PDGFC: variants seen among roughly 807,000 people sequenced by gnomAD.
PDGFC encodes the protein platelet derived growth factor C, also known as platelet-derived growth factor C.
A neutral mutation model predicts 35.5 loss-of-function variants in PDGFC; 12 were observed. The ratio of observed to expected loss-of-function variants is 0.34; its 90% CI spans 0.22 to 0.55. The LOEUF (loss-of-function observed/expected upper bound fraction) is 0.55. PDGFC is among the 20% of genes least tolerant of loss of function. The pLI is 0.91. For missense variants in PDGFC, 322 were observed against 412.4 expected (o/e 0.78, Z 1.90); for synonymous variants, 159 against 148.8 (o/e 1.07, Z -0.50).
chr4:156,792,233 A>C (rs540824613), intron 3 of PDGFC, among the ~76,000 whole-genome samples: 6 of 152,328 alleles, frequency 3.9e-5, no homozygotes, highest in Admixed American at 3.3e-4. Context: ...TATCTATATA[A>C]TATACAATTT....
chr4:156,785,114 T>C (rs1178142877), intron 3 of PDGFC, among the ~76,000 whole-genome samples: 1 of 152,238 alleles, frequency 6.6e-6, no homozygotes, highest in Non-Finnish European at 1.5e-5. Context: ...TGATTGCCAC[T>C]GTGATATAAA....
At chr4:156,765,985 A>T (rs1730515568) in intron 5 of PDGFC, among the ~76,000 whole-genome samples, 1 of 152,172 alleles carries the variant, frequency 6.6e-6, no homozygotes, top group South Asian at 2.1e-4. Flanking sequence ...GAATTTAGGC[A>T]CGAGGGCTAA....
intron 3 of PDGFC, among the ~76,000 whole-genome samples, chr4:156,808,360 T>C (rs112277587): frequency 2.0e-5 from 3 of 152,138 alleles, no homozygotes; most frequent in Non-Finnish European, 2.9e-5. Context: ...AAAGAAATCA[T>C]TGTGGCCAGT....
At chr4:156,938,766 T>A (rs186469556) in intron 1 of PDGFC, among the ~76,000 whole-genome samples, 1 of 151,916 alleles carries the variant, frequency 6.6e-6, no homozygotes, top group Admixed American at 6.6e-5. Flanking sequence ...CTAAAAGTTA[T>A]CTATGATCTG....
chr4:156,833,862 T>C (rs915086667), intron 2 of PDGFC, among the ~76,000 whole-genome samples: 3 of 152,214 alleles, frequency 2.0e-5, no homozygotes, highest in Admixed American at 6.5e-5. Context: ...AGATTAGAGT[T>C]GTGGATAACC....
intron 4 of PDGFC, among the ~76,000 whole-genome samples, chr4:156,769,143 T>C (rs186732217): frequency 1.9e-3 from 295 of 151,862 alleles, no homozygotes; most frequent in Admixed American, 4.2e-3. Flanking sequence ...ATCTAAAATA[T>C]AATAAACCTA....
At chr4:156,966,780 G>T (rs149710490) in intron 1 of PDGFC, among the ~76,000 whole-genome samples, 1 of 152,120 alleles carries the variant, frequency 6.6e-6, no homozygotes, top group Non-Finnish European at 1.5e-5. Flanking sequence ...TTTAACAAAC[G>T]ATATATTAGT....
intron 1 of PDGFC, among the ~76,000 whole-genome samples, chr4:156,860,899 T>A (rs545440341): frequency 6.6e-6 from 1 of 152,242 alleles, no homozygotes; most frequent in African/African-American, 2.4e-5. Context: ...GTATCAATTT[T>A]AAAAAGAACT....
At chr4:156,959,965 A>G (rs552705257) in intron 1 of PDGFC, among the ~76,000 whole-genome samples, 1 of 152,118 alleles carries the variant, frequency 6.6e-6, no homozygotes, top group African/African-American at 2.4e-5. Flanking sequence ...CTTCTTTAAA[A>G]TAAGAATAGA....
intron 1 of PDGFC, among the ~76,000 whole-genome samples, chr4:156,868,774 TAGAAC>T (rs1579066737): frequency 2.0e-5 from 3 of 152,350 alleles, no homozygotes; most frequent in Admixed American, 1.3e-4. Flanking sequence ...AGATATTCTA[TAGAAC>T]TGTATCCTTT....
At chr4:156,850,531 T>C (rs959781249) in intron 1 of PDGFC, 115 bp from the exon 2 acceptor site, 8 of 514,612 alleles carry the variant, frequency 1.6e-5, no homozygotes, top group South Asian at 1.1e-4. Flanking sequence ...GTGTTTTATA[T>C]GATATATGCC....
intron 1 of PDGFC, among the ~76,000 whole-genome samples, chr4:156,960,154 C>G (rs1026302002): frequency 1.3e-5 from 2 of 151,088 alleles, no homozygotes; most frequent in Non-Finnish European, 3.0e-5. Context: ...AAATTGCCTG[C>G]TATTTTCAGA....
In PDGFC at chr4:156,841,654, G is replaced by A. The variant is rs566391534; in HGVS notation, c.314+8567C>T. Among the ~76,000 whole-genome samples, 48 of 152,016 alleles carry A rather than the reference G, an allele frequency of 3.2e-4. 1 individual carries two copies. The South Asian group carries it at 9.0e-3, about 28-fold the overall frequency. On this transcript the variant is annotated intron_variant, in intron 2 of 5. Transcript: ENST00000502773. ...CCCAAGTAACTGAGATTACAAGCAC[G>A]TGCCACCATGCCCAGCTCATTTTCT...
At chr4:156,788,439 T>C (rs28478084) in intron 3 of PDGFC, among the ~76,000 whole-genome samples, 2 of 152,214 alleles carry the variant, frequency 1.3e-5, no homozygotes, top group Non-Finnish European at 2.9e-5. Flanking sequence ...TTATAATAAT[T>C]AAAAAGTTAA....
intron 1 of PDGFC, 87 bp downstream of exon 1, chr4:156,970,699 C>G: frequency 1.3e-6 from 1 of 799,106 alleles, no homozygotes; most frequent in Non-Finnish European, 2.2e-6. Flanking sequence ...CCTTCACAGT[C>G]TGGTATATAT....
At chr4:156,827,192 C>T (rs950222788) in intron 2 of PDGFC, among the ~76,000 whole-genome samples, 2 of 151,988 alleles carry the variant, frequency 1.3e-5, no homozygotes, top group African/African-American at 4.8e-5. Flanking sequence ...CCAAGGTGGG[C>T]GGAACACGAG....
At chr4:156,892,615 G>T (rs1730540879) in intron 1 of PDGFC, among the ~76,000 whole-genome samples, 1 of 152,034 alleles carries the variant, frequency 6.6e-6, no homozygotes, top group South Asian at 2.1e-4. Context: ...GGTGGGAAAA[G>T]TTAGAGAAAA....
intron 1 of PDGFC, among the ~76,000 whole-genome samples, chr4:156,897,350 A>ATGTGTGTGTGTGTGTGTGTGTG (rs70956698): frequency 7.0e-6 from 1 of 142,986 alleles, no homozygotes; most frequent in Admixed American, 6.9e-5. Context: ...GTGAGAGTGT[A>ATGTGTGTGTGTGTGTGTGTGTG]TGTGTGTGTG....
intron 1 of PDGFC, among the ~76,000 whole-genome samples, chr4:156,968,451 T>A (rs908163971): frequency 3.9e-5 from 6 of 152,032 alleles, no homozygotes; most frequent in Non-Finnish European, 8.8e-5. Context: ...CAAAATTCAA[T>A]CATAATTCAG....
Sources: allele counts gnomAD v4.1 joint callset (sites outside exome capture counted in the v4.1 genomes callset), GRCh38; gene constraint gnomAD v4.1.1; transcripts MANE v1.5; gene names NCBI Gene and HGNC (gene_info 2026-07-23, HGNC 2026-07-21).